Variants in HSF2BP observed in about 807,000 individuals in gnomAD.
HSF2BP encodes the protein heat shock factor 2-binding protein.
A neutral mutation model predicts 35.0 loss-of-function variants in HSF2BP; 35 were observed. The observed-to-expected ratio is 1.00, with a 90% CI of 0.76 to 1.32. HSF2BP has a LOEUF of 1.32. Ranked by LOEUF, HSF2BP falls within the 40% of genes most tolerant of loss-of-function variation. The pLI is 0.00. For synonymous variants in HSF2BP, 114 were observed against 117.4 expected, an observed-to-expected ratio of 0.97 and a Z score of 0.18; for missense variants, 326 against 321.7, an observed-to-expected ratio of 1.01 and a Z score of -0.10.
intron 7 of HSF2BP, among the ~76,000 whole-genome samples, chr21:43,603,373 G>C (rs1390523296): frequency 6.6e-6 from 1 of 152,218 alleles, no homozygotes; most frequent in African/African-American, 2.4e-5. Flanking sequence ...GAAATGGACT[G>C]AGGTGGTGAC....
chr21:43,586,275 C>T (rs555997324), intron 8 of HSF2BP, among the ~76,000 whole-genome samples: 1 of 152,006 alleles, frequency 6.6e-6, no homozygotes, highest in East Asian at 1.9e-4. Flanking sequence ...TGTAGCTGAA[C>T]GAAGGGAAGA....
chr21:43,467,966 A>ACACACACACCACACACACCACACC, the HSF2BP span, among the ~76,000 whole-genome samples: 1 of 67,774 alleles, frequency 1.5e-5, no homozygotes, highest in Non-Finnish European at 2.9e-5. Context: ...CACTTACACC[A>ACACACACACCACACACACCACACC]CACACACACC....
chr21:43,627,799 T>C (rs1035356954), intron 6 of HSF2BP, among the ~76,000 whole-genome samples: 7 of 152,222 alleles, frequency 4.6e-5, no homozygotes, highest in African/African-American at 1.2e-4. Flanking sequence ...CAACCCTACA[T>C]TGAGCAAGTC....
intron 6 of HSF2BP, among the ~76,000 whole-genome samples, chr21:43,619,813 C>T (rs148224305): frequency 2.6e-5 from 4 of 152,308 alleles, no homozygotes; most frequent in Non-Finnish European, 5.9e-5. Flanking sequence ...GCCCTGGAAA[C>T]GCTGCTCTGT....
chr21:43,608,527 A>G (rs1009653975), intron 7 of HSF2BP, among the ~76,000 whole-genome samples: 9 of 152,224 alleles, frequency 5.9e-5, no homozygotes, highest in Non-Finnish European at 1.2e-4. Context: ...GCACCTATGG[A>G]AAGCAGTCTG....
intron 8 of HSF2BP, among the ~76,000 whole-genome samples, chr21:43,574,549 G>C (rs568922721): frequency 3.4e-4 from 52 of 152,230 alleles, no homozygotes; most frequent in African/African-American, 1.1e-3. Context: ...AGTAGAGACA[G>C]GGTTTCACCA....
intron 4 of HSF2BP, among the ~76,000 whole-genome samples, chr21:43,641,547 T>C (rs1321872438): frequency 6.6e-6 from 1 of 152,232 alleles, no homozygotes; most frequent in Non-Finnish European, 1.5e-5. Flanking sequence ...TGCTTGCTCA[T>C]ACATCACACT....
At chr21:43,574,396 C>T (rs1473236097) in intron 8 of HSF2BP, among the ~76,000 whole-genome samples, 2 of 151,270 alleles carry the variant, frequency 1.3e-5, no homozygotes, top group African/African-American at 2.4e-5. Flanking sequence ...CTCGCTCTGT[C>T]GCCCAGGCTG....
At chr21:43,636,385 T>C (rs2082559474) in intron 4 of HSF2BP, among the ~76,000 whole-genome samples, 1 of 151,964 alleles carries the variant, frequency 6.6e-6, no homozygotes, top group Admixed American at 6.6e-5. Flanking sequence ...CATGACCTAT[T>C]AAAAAATAAT....
intron 6 of HSF2BP, among the ~76,000 whole-genome samples, chr21:43,616,087 G>C (rs1234496330): frequency 6.7e-6 from 1 of 150,262 alleles, no homozygotes; most frequent in Non-Finnish European, 1.5e-5. Context: ...AAGCAACATA[G>C]AACTATTTGG....
chr21:43,631,921 A>AGT (rs2082463225), intron 5 of HSF2BP, among the ~76,000 whole-genome samples: 1 of 139,638 alleles, frequency 7.2e-6, no homozygotes, highest in Admixed American at 7.1e-5. Flanking sequence ...ACACGCTCCC[A>AGT]CACACACGAT....
At chr21:43,644,512 G>A in intron 3 of HSF2BP, 120 bp from the exon 4 acceptor site, 1 of 706,228 alleles carries the variant, frequency 1.4e-6, no homozygotes, top group South Asian at 1.7e-5. Context: ...GAGAATATTT[G>A]CATTTCTTGA....
At chr21:43,604,522 CCA>C (rs369177933) in intron 7 of HSF2BP, among the ~76,000 whole-genome samples, 1,420 of 137,548 alleles carry the variant, frequency 0.01, 22 homozygotes, top group African/African-American at 0.034. Context: ...TATACACACC[CCA>C]CACACACACC....
intron 3 of HSF2BP, among the ~76,000 whole-genome samples, chr21:43,647,045 T>C (rs944672355): frequency 1.3e-5 from 2 of 152,236 alleles, no homozygotes; most frequent in Admixed American, 6.5e-5. Flanking sequence ...ATTTCACTTC[T>C]TTATACATTC....
intron 7 of HSF2BP, among the ~76,000 whole-genome samples, chr21:43,592,889 C>T (rs1479420286): frequency 2.0e-5 from 3 of 152,084 alleles, no homozygotes; most frequent in Admixed American, 6.6e-5. Flanking sequence ...GGGATTGAAC[C>T]GTGGCTGGCA....
intron 3 of HSF2BP, among the ~76,000 whole-genome samples, chr21:43,654,155 A>G (rs903830745): frequency 3.9e-5 from 6 of 152,216 alleles, no homozygotes; most frequent in Non-Finnish European, 8.8e-5. Context: ...AAAGTGTCAT[A>G]ATGACCTCTT....
chr21:43,634,243 G>C (rs1366030912), intron 4 of HSF2BP, among the ~76,000 whole-genome samples: 1 of 152,148 alleles, frequency 6.6e-6, no homozygotes, highest in Non-Finnish European at 1.5e-5. Context: ...GGGAAACACA[G>C]GGAATGGCCG....
chr21:43,581,922 T>C (rs1327811787), intron 8 of HSF2BP, among the ~76,000 whole-genome samples: 1 of 121,498 alleles, frequency 8.2e-6, no homozygotes, highest in Admixed American at 8.5e-5. Flanking sequence ...CTGTGGGAGA[T>C]GAGGGCCTGC....
chr21:43,586,615 T>G (rs549819686), intron 8 of HSF2BP, among the ~76,000 whole-genome samples: 1 of 152,254 alleles, frequency 6.6e-6, no homozygotes, highest in African/African-American at 2.4e-5. Flanking sequence ...AAATTCTCAT[T>G]TTATACATCA....
Sources: allele counts gnomAD v4.1 joint callset (sites outside exome capture counted in the v4.1 genomes callset), GRCh38; gene constraint gnomAD v4.1.1; transcripts MANE v1.5; gene names NCBI Gene and HGNC (gene_info 2026-07-23, HGNC 2026-07-21).